The following LRRC1 variants were observed in gnomAD, a reference collection of about 807,000 sequenced individuals.
The protein encoded by LRRC1 is leucine-rich repeat-containing protein 1.
A neutral mutation model predicts 69.9 loss-of-function variants in LRRC1; 28 were observed. That is an observed-to-expected ratio of 0.40 (90% confidence interval 0.30 to 0.55). LRRC1 has a LOEUF of 0.55. Among genes scored for constraint, LRRC1 ranks in the 20% least tolerant of loss-of-function variants. The pLI is 0.47. For synonymous variants in LRRC1, 236 were observed against 240.2 expected, an observed-to-expected ratio of 0.98 and a Z score of 0.16; for missense variants, 498 against 609.0, an observed-to-expected ratio of 0.82 and a Z score of 1.92.
At chr6:53,815,340 C>G (rs1290084439) in intron 1 of LRRC1, among the ~76,000 whole-genome samples, 4 of 152,170 alleles carry the variant, frequency 2.6e-5, no homozygotes, top group African/African-American at 9.7e-5. Context: ...CCTCATTTTT[C>G]TCACCTTTAA....
Position 53,809,067 on chromosome 6 carries a change from AG to A in LRRC1, c.159+13654del, listed in dbSNP as rs1162009221. Among the ~76,000 whole-genome samples, 3 of 152,228 alleles carry A rather than the reference AG, an allele frequency of 2.0e-5. No homozygotes were observed. In the East Asian group the frequency reaches 5.8e-4, roughly 29 times the overall value. On this transcript the variant is annotated intron_variant, in intron 1 of 13. Coordinates refer to ENST00000370888, the MANE Select transcript of LRRC1 (RefSeq NM_018214.5). ...AAGCACATCCGTCTGGGAAAACAGTAGGAAGCTCTCTGAACAGCAATGAGCA... is the reference window on the plus strand; with the variant it reads ...AAGCACATCCGTCTGGGAAAACAGTAGAAGCTCTCTGAACAGCAATGAGCA...
At chr6:53,894,472 G>T (rs1030522159) in intron 4 of LRRC1, among the ~76,000 whole-genome samples, 1 of 152,192 alleles carries the variant, frequency 6.6e-6, no homozygotes, top group Non-Finnish European at 1.5e-5. Context: ...AGTGAGTCAA[G>T]TTTTTGATGC....
chr6:53,919,733 C>A, intron 12 of LRRC1, 63 bp downstream of exon 12: 1 of 1,427,902 alleles, frequency 7.0e-7, no homozygotes, highest in African/African-American at 1.4e-5. Flanking sequence ...TAATGTCTGT[C>A]CATAAGGCCT....
At chr6:53,825,674 G>A (rs1047854392) in intron 1 of LRRC1, among the ~76,000 whole-genome samples, 1 of 152,062 alleles carries the variant, frequency 6.6e-6, no homozygotes, top group Non-Finnish European at 1.5e-5. Context: ...CAGACCTATT[G>A]AGTAAACTCT....
chr6:53,802,286 C>T (rs563580625), intron 1 of LRRC1, among the ~76,000 whole-genome samples: 250 of 152,168 alleles, frequency 1.6e-3, no homozygotes, highest in African/African-American at 5.6e-3. Context: ...GGCAGGGGCT[C>T]GTTGCAGTGG....
chr6:53,891,173 G>C (rs1381099765), intron 4 of LRRC1, among the ~76,000 whole-genome samples: 2 of 152,108 alleles, frequency 1.3e-5, no homozygotes, highest in African/African-American at 4.8e-5. Flanking sequence ...CTTCCTGCAG[G>C]AGCTTGTTAG....
intron 1 of LRRC1, among the ~76,000 whole-genome samples, chr6:53,823,029 C>T (rs1341850787): frequency 1.3e-5 from 2 of 152,154 alleles, no homozygotes; most frequent in African/African-American, 4.8e-5. Flanking sequence ...GGACACATCT[C>T]CCAACTTTAA....
intron 2 of LRRC1, 95 bp from the exon 3 acceptor site, chr6:53,878,898 T>G: frequency 2.9e-6 from 2 of 685,910 alleles, no homozygotes. Flanking sequence ...AGGTAGGAAT[T>G]TCCAGATATT....
chr6:53,838,900 T>A (rs924652251), intron 1 of LRRC1, among the ~76,000 whole-genome samples: 10 of 152,212 alleles, frequency 6.6e-5, no homozygotes, highest in African/African-American at 2.2e-4. Flanking sequence ...TAAAAAGTCA[T>A]TCATGCATTA....
chr6:53,871,137 C>T (rs1766870065), intron 2 of LRRC1, among the ~76,000 whole-genome samples: 1 of 152,060 alleles, frequency 6.6e-6, no homozygotes, highest in African/African-American at 2.4e-5. Flanking sequence ...AATTTCATAT[C>T]CTTTAGATAT....
At chr6:53,871,969 G>A (rs1459214011) in intron 2 of LRRC1, among the ~76,000 whole-genome samples, 1 of 152,066 alleles carries the variant, frequency 6.6e-6, no homozygotes, top group African/African-American at 2.4e-5. Context: ...CCCCTGGCCT[G>A]TTTTTTGCTT....
At chr6:53,795,820 C>G (rs1038293550) in intron 1 of LRRC1, among the ~76,000 whole-genome samples, 1 of 152,232 alleles carries the variant, frequency 6.6e-6, no homozygotes, top group African/African-American at 2.4e-5. Context: ...GTCGTTCCCC[C>G]ACCAAGGGCC....
intron 2 of LRRC1, among the ~76,000 whole-genome samples, chr6:53,864,781 T>G (rs891005682): frequency 1.3e-5 from 2 of 152,114 alleles, no homozygotes; most frequent in Non-Finnish European, 2.9e-5. Flanking sequence ...CTTTGCACTT[T>G]TCCTGATCTG....
intron 10 of LRRC1, among the ~76,000 whole-genome samples, chr6:53,905,890 C>T (rs562004932): frequency 6.6e-6 from 1 of 152,194 alleles, no homozygotes; most frequent in Non-Finnish European, 1.5e-5. Flanking sequence ...AACTGGGACT[C>T]AACTAAGAGA....
In LRRC1 at chr6:53,875,144, C is replaced by T. The variant is rs374800023; in HGVS notation, c.278-3849C>T. 1.7e-4 allele frequency among the ~76,000 whole-genome samples: 26 copies of T among 152,270 alleles called. No homozygotes were observed. In the South Asian group the frequency reaches 2.9e-3, roughly 17 times the overall value. On this transcript the variant is annotated intron_variant, in intron 2 of 13. Coordinates refer to ENST00000370888, the MANE Select transcript of LRRC1 (RefSeq NM_018214.5). ...GCAATTTAACAATATTTTTCAAGCT[C>T]TGTAGAGATGTTAATGCCTTTGACA...
intron 13 of LRRC1, among the ~76,000 whole-genome samples, chr6:53,921,808 A>G (rs1422211555): frequency 1.3e-5 from 2 of 152,162 alleles, no homozygotes; most frequent in Non-Finnish European, 2.9e-5. Context: ...GGCATTTACA[A>G]TCGTAAAGGG....
chr6:53,805,022 C>CT (rs539177324), intron 1 of LRRC1, among the ~76,000 whole-genome samples: 378 of 150,052 alleles, frequency 2.5e-3, no homozygotes, highest in African/African-American at 8.4e-3. Flanking sequence ...TAGAGGCTGT[C>CT]TTTTTTTTTT....
chr6:53,918,076 GCTGTGA>G (rs2127442714), intron 11 of LRRC1, among the ~76,000 whole-genome samples: 1 of 152,380 alleles, frequency 6.6e-6, no homozygotes, highest in East Asian at 1.9e-4. Flanking sequence ...TCCTTCTCTA[GCTGTGA>G]GCACATGGTG....
intron 10 of LRRC1, among the ~76,000 whole-genome samples, chr6:53,906,771 A>G (rs1004480969): frequency 1.3e-5 from 2 of 152,220 alleles, no homozygotes; most frequent in Admixed American, 6.5e-5. Flanking sequence ...AGAAATTATG[A>G]TTGGTTTTCT....
Sources: allele counts gnomAD v4.1 joint callset (sites outside exome capture counted in the v4.1 genomes callset), GRCh38; gene constraint gnomAD v4.1.1; transcripts MANE v1.5; gene names NCBI Gene and HGNC (gene_info 2026-07-23, HGNC 2026-07-21).